DCAKD: variants seen among roughly 807,000 people sequenced by gnomAD.
DCAKD encodes the protein dephospho-CoA kinase domain-containing protein.
Under a neutral mutation model 18.7 loss-of-function variants are expected in DCAKD, and 15 were observed. The observed-to-expected ratio is 0.80, with a 90% CI of 0.54 to 1.24. The LOEUF is 1.24. DCAKD is among the 50% of genes most tolerant of loss of function. The pLI is 0.00. For missense variants in DCAKD, 301 were observed against 322.0 expected, an observed-to-expected ratio of 0.93 and a Z score of 0.50; for synonymous variants, 130 against 133.0, an observed-to-expected ratio of 0.98 and a Z score of 0.16.
At chr17:45,032,927 G>T (rs1227742885) in intron 3 of DCAKD, among the ~76,000 whole-genome samples, 1 of 152,210 alleles carries the variant, frequency 6.6e-6, no homozygotes, top group African/African-American at 2.4e-5. Context: ...CAAATCTCCA[G>T]CAGCCCTAGG....
chr17:45,025,744 CTTTTTTTTTTTTTT>C (rs66731834), intron 4 of DCAKD, among the ~76,000 whole-genome samples: 1 of 103,882 alleles, frequency 9.6e-6, no homozygotes, highest in African/African-American at 4.1e-5. Context: ...TTGGTTCCTT[CTTTTTTTTTTTTTT>C]TTTTTTTTTT....
At chr17:45,043,196 C>T (rs1411196519) in intron 1 of DCAKD, among the ~76,000 whole-genome samples, 1 of 151,064 alleles carries the variant, frequency 6.6e-6, no homozygotes, top group Non-Finnish European at 1.5e-5. Context: ...GCAGAGGTTG[C>T]AGTGAGCTGA....
In DCAKD at chr17:45,034,796, G is replaced by A. The variant is rs981419451; in HGVS notation, c.90C>T (p.Asp30=). 1.6e-5 allele frequency: 26 copies of A among 1,614,052 alleles called. No homozygotes were observed. The highest frequency in any genetic ancestry group is 3.3e-5 in the Admixed American group (2 of 59,996). The change falls in exon 2 of 5, where the codon GAC becomes GAT. Residue 30 remains aspartate (D), a synonymous_variant. Transcript: ENST00000651974. ...VFQQLGCAVI[D]VDVMARHVVQ... Reference sequence around the variant, plus strand: ...CACCGTGCCGGGCCATCACGTCCACGTCAATCACCGCACAGCCCAGCTGCT... The same window carrying A: ...CACCGTGCCGGGCCATCACGTCCACATCAATCACCGCACAGCCCAGCTGCT...
intron 1 of DCAKD, among the ~76,000 whole-genome samples, chr17:45,036,548 T>C (rs2053304413): frequency 6.6e-6 from 1 of 151,784 alleles, no homozygotes; most frequent in East Asian, 1.9e-4. Flanking sequence ...AAAATGCATC[T>C]GCAGTCCATG....
At chr17:45,054,970 G>A (rs952159193), upstream of DCAKD, among the ~76,000 whole-genome samples, 2 of 152,146 alleles carry the variant, frequency 1.3e-5, no homozygotes, top group African/African-American at 4.8e-5. Context: ...AGGTATCCTT[G>A]TGGTCCGATT....
At chr17:45,042,055 GCAGTGAGCCATGACTGTA>G (rs2053450616) in intron 1 of DCAKD, among the ~76,000 whole-genome samples, 3 of 152,016 alleles carry the variant, frequency 2.0e-5, no homozygotes, top group Non-Finnish European at 4.4e-5. Flanking sequence ...GTTGGAGGCT[GCAGTGAGCCATGACTGTA>G]CCACTGCACT....
intron 1 of DCAKD, among the ~76,000 whole-genome samples, chr17:45,044,420 G>A (rs898462373): frequency 7.9e-5 from 12 of 152,316 alleles, no homozygotes; most frequent in South Asian, 2.1e-4. Flanking sequence ...GGATGGGTGC[G>A]GTGGCTGACG....
intron 1 of DCAKD, 190 bp from the exon 2 acceptor site, chr17:45,035,189 A>C (rs1190427634): frequency 3.1e-6 from 1 of 321,850 alleles, no homozygotes; most frequent in Non-Finnish European, 6.0e-6. Context: ...CTCGCAAAGA[A>C]GGCAAATGTG....
At chr17:45,034,075 A>T in intron 3 of DCAKD, 112 bp downstream of exon 3, 1 of 1,600,122 alleles carries the variant, frequency 6.2e-7, no homozygotes. Context: ...AGCAGTATGA[A>T]CTCATCAGCT....
chr17:45,044,927 A>C (rs1388340299), intron 1 of DCAKD, among the ~76,000 whole-genome samples: 1 of 152,142 alleles, frequency 6.6e-6, no homozygotes, highest in African/African-American at 2.4e-5. Flanking sequence ...GAGAGAAATG[A>C]GGTGTTCTAC....
Position 45,024,498 on chromosome 17 carries a change from T to C in DCAKD, c.631A>G (p.Thr211Ala). 1 of 1,613,932 alleles carries C rather than the reference T, an allele frequency of 6.2e-7. No homozygotes were observed. The highest frequency in any genetic ancestry group is 2.2e-5 in the East Asian group (1 of 44,868). The change falls in exon 5 of 5, where the codon ACA becomes GCA. Residue 211 changes from threonine (T) to alanine (A), a missense_variant. Thr to Ala is a moderately conservative substitution (Grantham distance 58). Coordinates refer to ENST00000651974, the MANE Select transcript of DCAKD (RefSeq NM_001288655.2). ...EYLPLRFGVLTGLAAIASLLY... is the reference protein window; with the variant it reads ...EYLPLRFGVLAGLAAIASLLY... ...AGGCTGGCAATGGCAGCGAGCCCTG[T>C]GAGGACCCCAAACCTCAGCGGCAGG...
chr17:45,039,409 C>T (rs534581025), intron 1 of DCAKD, among the ~76,000 whole-genome samples: 107 of 152,340 alleles, frequency 7.0e-4, no homozygotes, highest in South Asian at 2.1e-3. Flanking sequence ...CTAAACCTGG[C>T]TATAATCTGA....
chr17:45,032,652 A>T (rs1292041456), intron 3 of DCAKD, among the ~76,000 whole-genome samples: 2 of 151,944 alleles, frequency 1.3e-5, no homozygotes, highest in East Asian at 3.9e-4. Flanking sequence ...GTTTGGTGGC[A>T]TGTTCCTGTA....
Position 45,024,286 on chromosome 17 carries a change from CGTGTGTGT to C in DCAKD, c.*139_*146del, listed in dbSNP as rs761001044. On this transcript the variant is annotated 3_prime_UTR_variant, in exon 5 of 5. Coordinates refer to ENST00000651974, the MANE Select transcript of DCAKD (RefSeq NM_001288655.2). Reference sequence around the variant, plus strand: ...AGGCCCAGCCCTGATTCGGAGAGTCCGTGTGTGTGTGTGTGTGTGTGTGTGTGTGTGTG... The same window carrying C: ...AGGCCCAGCCCTGATTCGGAGAGTCCGTGTGTGTGTGTGTGTGTGTGTGTG... The C allele has an allele frequency of 5.9e-6, 5 of 852,182 alleles. No individual in the cohort carries two copies. Among genetic ancestry groups the C allele is most frequent in the South Asian group, 2.0e-5 (1 of 49,538 alleles). 52.8% of individuals were successfully genotyped at this position (852,182 alleles called of 1,614,324 possible). A position where few individuals can be genotyped will look rare whatever the true frequency, so the allele number is the denominator to read the frequency against.
intron 1 of DCAKD, among the ~76,000 whole-genome samples, chr17:45,040,540 AG>A (rs1460177565): frequency 6.6e-6 from 1 of 152,164 alleles, no homozygotes; most frequent in East Asian, 1.9e-4. Flanking sequence ...GTAACAGAGA[AG>A]GAGCCAATGC....
chr17:45,048,640 G>C (rs1383601887), intron 1 of DCAKD, among the ~76,000 whole-genome samples: 1 of 145,482 alleles, frequency 6.9e-6, no homozygotes, highest in African/African-American at 2.6e-5. Flanking sequence ...CCATCTCAAA[G>C]AAAAACAAAA....
rs2052990778 is a variant in DCAKD, at chr17:45,023,805, G to C, written c.*628C>G. On this transcript the variant is annotated 3_prime_UTR_variant, in exon 5 of 5. Coordinates refer to ENST00000651974, the MANE Select transcript of DCAKD (RefSeq NM_001288655.2). ...ACTACACAAACCCTACGTGGGGAGA[G>C]GGGTCTCCCAGAAGAGGCTGGTCCT... 1 of 152,544 alleles carries C rather than the reference G, an allele frequency of 6.6e-6. No homozygotes were observed. Among genetic ancestry groups the C allele is most frequent in the Admixed American group, 6.5e-5 (1 of 15,342 alleles). 9.4% of individuals were successfully genotyped at this position (152,544 alleles called of 1,614,324 possible).
intron 4 of DCAKD, 119 bp from the exon 5 acceptor site, chr17:45,024,843 C>T: frequency 4.1e-5 from 52 of 1,261,774 alleles, no homozygotes; most frequent in Non-Finnish European, 5.4e-5. Flanking sequence ...GATCTTCCCT[C>T]CAACCCTACC....
chr17:45,040,389 A>AG (rs1452729980), intron 1 of DCAKD, among the ~76,000 whole-genome samples: 1 of 56,522 alleles, frequency 1.8e-5, no homozygotes, highest in African/African-American at 5.1e-5. Context: ...CTCCATCTCA[A>AG]AAAAAAAAAA....
Sources: allele counts gnomAD v4.1 joint callset (sites outside exome capture counted in the v4.1 genomes callset), GRCh38; gene constraint gnomAD v4.1.1; transcripts MANE v1.5; gene names NCBI Gene and HGNC (gene_info 2026-07-23, HGNC 2026-07-21).